MAP3K20: variants seen among roughly 807,000 people sequenced by gnomAD.
The protein encoded by MAP3K20 is HCCS-4.
MAP3K20 carries 40 observed loss-of-function variants against 85.7 expected under a neutral mutation model. The ratio of observed to expected loss-of-function variants is 0.47; its 90% CI spans 0.36 to 0.61. The LOEUF is 0.61. MAP3K20 is among the 20% of genes least tolerant of loss of function. The pLI is 0.00. For missense variants in MAP3K20, 817 were observed against 961.7 expected (o/e 0.85, Z 1.99); for synonymous variants, 325 against 327.7 (o/e 0.99, Z 0.09).
intron 3 of MAP3K20, among the ~76,000 whole-genome samples, chr2:173,172,298 T>C (rs192418390): frequency 5.9e-5 from 9 of 151,340 alleles, no homozygotes; most frequent in African/African-American, 2.2e-4. Flanking sequence ...AGGAGGAAGC[T>C]TGGATGGCTT....
At chr2:173,220,206 T>C (rs1292195653) in intron 11 of MAP3K20, among the ~76,000 whole-genome samples, 1 of 152,226 alleles carries the variant, frequency 6.6e-6, no homozygotes, top group Non-Finnish European at 1.5e-5. Flanking sequence ...TTTGCTTGTT[T>C]CTCAAAAGAA....
At chr2:173,247,070 A>C (rs750695145) in intron 16 of MAP3K20, among the ~76,000 whole-genome samples, 10 of 151,904 alleles carry the variant, frequency 6.6e-5, no homozygotes, top group Admixed American at 4.6e-4. Flanking sequence ...TGCCCAGCCA[A>C]CTCCCTCTCC....
Position 173,217,268 on chromosome 2 carries a change from T to C in MAP3K20, c.987+18T>C. 2.0e-6 allele frequency: 3 copies of C among 1,529,006 alleles called. No individual in the cohort carries two copies. Among genetic ancestry groups the C allele is most frequent in the Admixed American group, 2.0e-5 (1 of 50,064 alleles). 94.7% of individuals were successfully genotyped at this position (1,529,006 alleles called of 1,614,324 possible). ...ACACCCCGGTGAGTACCCTCCCCCT[T>C]CGCCGTCTTTCCACATGCGGCTCTA... On this transcript the variant is annotated intron_variant, in intron 11 of 19. Coordinates refer to ENST00000375213, the MANE Select transcript of MAP3K20 (RefSeq NM_016653.3).
At chr2:173,180,194 G>C (rs888639757) in intron 3 of MAP3K20, among the ~76,000 whole-genome samples, 2 of 152,042 alleles carry the variant, frequency 1.3e-5, no homozygotes, top group African/African-American at 4.8e-5. Flanking sequence ...TGAGGACTTA[G>C]ACTGCCTCAT....
chr2:173,208,393 G>A (rs1242266768), intron 9 of MAP3K20, among the ~76,000 whole-genome samples: 4 of 79,098 alleles, frequency 5.1e-5, no homozygotes, highest in Non-Finnish European at 1.2e-4. Flanking sequence ...GCAAGACTCT[G>A]TCTTAAAAAA....
At chr2:173,255,342 G>C (rs531719142) in intron 16 of MAP3K20, among the ~76,000 whole-genome samples, 34 of 152,086 alleles carry the variant, frequency 2.2e-4, no homozygotes, top group Admixed American at 1.4e-3. Flanking sequence ...CACCTCTCCC[G>C]CTTGTCTGTC....
At chr2:173,090,600 C>G in intron 1 of MAP3K20, 1 of 989,552 alleles carries the variant, frequency 1.0e-6, no homozygotes, top group Non-Finnish European at 1.2e-6. Context: ...GGTGGCATGC[C>G]TCAGATGCCA....
At chr2:173,237,637 T>C (rs2106336072) in intron 14 of MAP3K20, among the ~76,000 whole-genome samples, 1 of 152,328 alleles carries the variant, frequency 6.6e-6, no homozygotes, top group South Asian at 2.1e-4. Flanking sequence ...CAGATTTGTG[T>C]TTCATTGGCA....
intron 10 of MAP3K20, among the ~76,000 whole-genome samples, chr2:173,213,656 T>TTTA (rs1683980583): frequency 6.6e-6 from 1 of 152,168 alleles, no homozygotes; most frequent in Non-Finnish European, 1.5e-5. Flanking sequence ...CAGAATACAG[T>TTTA]AACAGAACCC....
chr2:173,120,023 C>T (rs138605268), intron 2 of MAP3K20, among the ~76,000 whole-genome samples: 1 of 151,964 alleles, frequency 6.6e-6, no homozygotes, highest in African/African-American at 2.4e-5. Flanking sequence ...AGCAAAGCCC[C>T]CTCCCTCCCT....
chr2:173,263,514 T>TA (rs1685343276), intron 18 of MAP3K20, among the ~76,000 whole-genome samples: 2 of 152,218 alleles, frequency 1.3e-5, no homozygotes, highest in South Asian at 2.1e-4. Context: ...ATAAGTGCTA[T>TA]AACCCACTAA....
chr2:173,203,986 C>T lies in MAP3K20; in HGVS notation c.744+116C>T. On this transcript the variant is annotated intron_variant, in intron 9 of 19. Coordinates refer to ENST00000375213, the MANE Select transcript of MAP3K20 (RefSeq NM_016653.3). ...TACAAAGCAAAGCTGGATTGATGCT[C>T]CTATGAGCCCCAGATTGACTGTTAA... is the stretch of plus-strand genomic sequence containing the variant. 4.5e-6 allele frequency: 4 copies of T among 894,692 alleles called. No homozygotes were observed. The South Asian group carries it at 5.8e-5, about 13-fold the overall frequency. The allele number at this position is 894,692 out of a possible 1,614,324, so 55.4% of individuals were successfully genotyped here.
intron 9 of MAP3K20, among the ~76,000 whole-genome samples, chr2:173,206,325 C>T (rs1683686469): frequency 6.6e-6 from 1 of 152,198 alleles, no homozygotes; most frequent in East Asian, 1.9e-4. Context: ...AGTAAGCTAA[C>T]CCTTCTTTAG....
At chr2:173,216,150 T>G (rs575357955) in intron 10 of MAP3K20, among the ~76,000 whole-genome samples, 1 of 152,248 alleles carries the variant, frequency 6.6e-6, no homozygotes, top group Non-Finnish European at 1.5e-5. Context: ...CTTCCAGTTT[T>G]CAAAACATAG....
intron 2 of MAP3K20, among the ~76,000 whole-genome samples, chr2:173,140,146 G>A (rs1688926071): frequency 6.6e-6 from 1 of 151,960 alleles, no homozygotes; most frequent in Non-Finnish European, 1.5e-5. Context: ...CGAGTAGCTG[G>A]AATTACAGGC....
At chr2:173,257,217 G>C (rs1196881412) in intron 16 of MAP3K20, among the ~76,000 whole-genome samples, 1 of 152,012 alleles carries the variant, frequency 6.6e-6, no homozygotes, top group Non-Finnish European at 1.5e-5. Flanking sequence ...GAAATACACA[G>C]ATTTAATATA....
rs144950090 is a variant in MAP3K20, at chr2:173,138,804, T to C, written c.160-31001T>C. Reference sequence around the variant, plus strand: ...ATGATAGCCACTTATTTGATAACACTTTAACATTAGCACCAAAAGGTCATT... The same window carrying C: ...ATGATAGCCACTTATTTGATAACACCTTAACATTAGCACCAAAAGGTCATT... On this transcript the variant is annotated intron_variant, in intron 2 of 19. Transcript: ENST00000375213. 4.0e-3 allele frequency among the ~76,000 whole-genome samples: 607 copies of C among 152,338 alleles called. 3 individuals carry two copies. Among genetic ancestry groups the C allele is most frequent in the African/African-American group, 0.014 (575 of 41,576 alleles).
At chr2:173,254,319 T>G (rs544183102) in intron 16 of MAP3K20, among the ~76,000 whole-genome samples, 8 of 150,746 alleles carry the variant, frequency 5.3e-5, no homozygotes, top group Admixed American at 3.3e-4. Context: ...TCCCAGCTAC[T>G]CTGAATCTGA....
intron 10 of MAP3K20, among the ~76,000 whole-genome samples, chr2:173,216,854 C>G (rs1192005452): frequency 6.6e-6 from 1 of 152,154 alleles, no homozygotes; most frequent in African/African-American, 2.4e-5. Context: ...AATGGCTGTA[C>G]CAGGACACCA....
Sources: gnomAD v4.1 joint callset for allele counts (sites outside exome capture counted in the v4.1 genomes callset) on GRCh38, gnomAD v4.1.1 for gene constraint, MANE v1.5 for transcripts, NCBI Gene and HGNC (gene_info 2026-07-23, HGNC 2026-07-21) for gene names.